TRIM62: variants seen among roughly 807,000 people sequenced by gnomAD.
TRIM62 encodes the protein tripartite motif containing 62, also known as E3 ubiquitin-protein ligase TRIM62.
A neutral mutation model predicts 44.2 loss-of-function variants in TRIM62; 39 were observed. The observed-to-expected ratio is 0.88, with a 90% CI of 0.68 to 1.15. The LOEUF is 1.15. TRIM62 is among the 50% of genes most tolerant of loss of function. The pLI is 0.00. For missense variants in TRIM62, 544 were observed against 665.5 expected, an observed-to-expected ratio of 0.82 and a Z score of 2.01; for synonymous variants, 278 against 292.3, an observed-to-expected ratio of 0.95 and a Z score of 0.50.
chr1:33,146,045 A>G lies in TRIM62; in HGVS notation c.*1132T>C, dbSNP rs1645018207. The G allele has an allele frequency of 2.7e-6, 1 of 377,346 alleles. No individual in the cohort carries two copies. The highest frequency in any genetic ancestry group is 3.4e-5 in the Admixed American group (1 of 29,080). The allele number at this position is 377,346 out of a possible 1,614,324, so 23.4% of individuals were successfully genotyped here. ...GAGGGAGCCTAGTTCTGCAGTCAGC[A>G]GCTTTCTGGCATAGTGGCTTCCTGC... is the stretch of plus-strand genomic sequence containing the variant. On this transcript the variant is annotated 3_prime_UTR_variant, in exon 5 of 5. Coordinates refer to ENST00000291416, the MANE Select transcript of TRIM62 (RefSeq NM_018207.3).
intron 2 of TRIM62, chr1:33,163,345 T>C (rs1209106383): frequency 1.3e-5 from 2 of 152,042 alleles, no homozygotes; most frequent in African/African-American, 4.8e-5. Flanking sequence ...GGCCGATTTT[T>C]TTTTCCTTTC....
chr1:33,180,598 T>C (rs1645452576), intron 1 of TRIM62, among the ~76,000 whole-genome samples: 1 of 152,146 alleles, frequency 6.6e-6, no homozygotes, highest in African/African-American at 2.4e-5. Context: ...CCCGGTTTAA[T>C]ACAGACCCAT....
At chr1:33,166,202 C>T (rs191989780) in intron 1 of TRIM62, 3 of 152,480 alleles carry the variant, frequency 2.0e-5, no homozygotes, top group Admixed American at 2.0e-4. Context: ...AAAACAAGCT[C>T]AGGGCTCCCA....
intron 1 of TRIM62, among the ~76,000 whole-genome samples, chr1:33,173,592 G>A (rs1312987660): frequency 6.6e-6 from 1 of 151,664 alleles, no homozygotes; most frequent in Non-Finnish European, 1.5e-5. Flanking sequence ...CTCCATGCCT[G>A]TCCCTGGTCA....
At position 33,165,659 on chromosome 1, in the gene TRIM62, G is replaced by A. The variant is rs539706255; in HGVS notation, c.409-93C>T. 7.6e-5 allele frequency: 85 copies of A among 1,118,950 alleles called. No homozygotes were observed. The African/African-American group carries it at 1.3e-3, about 17-fold the overall frequency. The allele number at this position is 1,118,950 out of a possible 1,614,324, so 69.3% of individuals were successfully genotyped here. On this transcript the variant is annotated intron_variant, in intron 1 of 4. Transcript: ENST00000291416. The surrounding 1 kb of genome is among the most constrained non-coding windows in gnomAD (Gnocchi z 4.0). ...CTGCCAGGCGCTGGGGGTTAGCCTG[G>A]TCTCTGTCCCCAACCTCCAACACTT... is the stretch of plus-strand genomic sequence containing the variant.
rs529232219 is a variant in TRIM62, at chr1:33,165,377, C to T, written c.504+94G>A. On this transcript the variant is annotated intron_variant, in intron 2 of 4. Transcript: ENST00000291416. The surrounding 1 kb of genome is among the most constrained non-coding windows in gnomAD (Gnocchi z 4.0). ...TTGAAGCCAGGTTTCCACCGCACAC[C>T]CGAGGCCCCGCCCCTCTTCCCCAGC... is the stretch of plus-strand genomic sequence containing the variant. 88 of 1,208,010 alleles carry T rather than the reference C, an allele frequency of 7.3e-5. 3 individuals carry two copies. The South Asian group carries it at 1.3e-3, about 18-fold the overall frequency. The allele number at this position is 1,208,010 out of a possible 1,614,324, so 74.8% of individuals were successfully genotyped here. A position where few individuals can be genotyped will look rare whatever the true frequency, so the allele number is the denominator to read the frequency against.
In TRIM62 at chr1:33,159,336, T is replaced by C. The variant is rs1645228598; in HGVS notation, c.761+352A>G. Among the ~76,000 whole-genome samples the C allele has an allele frequency of 6.6e-6, 1 of 152,096 alleles. No individual in the cohort carries two copies. Among genetic ancestry groups the C allele is most frequent in the African/African-American group, 2.4e-5 (1 of 41,410 alleles). ...ATTAAATGCTACCTACTATCTATAA[T>C]GTATACAGAATATATTACATATATA... On this transcript the variant is annotated intron_variant, in intron 3 of 4. Coordinates refer to ENST00000291416, the MANE Select transcript of TRIM62 (RefSeq NM_018207.3). This position sits in a 1 kb window ranked among gnomAD's most constrained non-coding sequence, Gnocchi z 4.2.
At chr1:33,153,382 C>T (rs1453641527) in intron 4 of TRIM62, among the ~76,000 whole-genome samples, 1 of 152,248 alleles carries the variant, frequency 6.6e-6, no homozygotes, top group Non-Finnish European at 1.5e-5. Flanking sequence ...AGGCAGCTTT[C>T]TCTAGAGCAG....
At chr1:33,172,668 G>A (rs1198291250) in intron 1 of TRIM62, among the ~76,000 whole-genome samples, 1 of 152,136 alleles carries the variant, frequency 6.6e-6, no homozygotes, top group East Asian at 1.9e-4. Context: ...AGGCTCTGGG[G>A]CTCTTTATTG....
At chr1:33,156,685 A>G (rs2124725289) in intron 4 of TRIM62, among the ~76,000 whole-genome samples, 1 of 152,266 alleles carries the variant, frequency 6.6e-6, no homozygotes, top group Non-Finnish European at 1.5e-5. Context: ...TCCATATGCT[A>G]ATGATGCTGG....
chr1:33,165,756 G>C lies in TRIM62; in HGVS notation c.409-190C>G, dbSNP rs973758051. ...TCCTAAACACCTCCAGAACCCGTCC[G>C]TATCTTTCACCTGCATCTTTGCAAC... On this transcript the variant is annotated intron_variant, in intron 1 of 4. Transcript: ENST00000291416. The surrounding 1 kb of genome is among the most constrained non-coding windows in gnomAD (Gnocchi z 4.0). The C allele has an allele frequency of 9.4e-6, 4 of 427,078 alleles. No individual in the cohort carries two copies. Among genetic ancestry groups the C allele is most frequent in the Non-Finnish European group, 1.7e-5 (4 of 241,700 alleles). The allele number at this position is 427,078 out of a possible 1,614,324, so 26.5% of individuals were successfully genotyped here. A position where few individuals can be genotyped will look rare whatever the true frequency, so the allele number is the denominator to read the frequency against.
In TRIM62 at chr1:33,177,741, C is replaced by A. The variant is rs933922926; in HGVS notation, c.408+3284G>T. Among the ~76,000 whole-genome samples the A allele has an allele frequency of 1.3e-5, 2 of 152,186 alleles. No individual in the cohort carries two copies. The highest frequency in any genetic ancestry group is 1.5e-5 in the Non-Finnish European group (1 of 68,040). On this transcript the variant is annotated intron_variant, in intron 1 of 4. Transcript: ENST00000291416. The surrounding 1 kb of genome is among the most constrained non-coding windows in gnomAD (Gnocchi z 4.1). ...ATGCTACCAGACTTCCTATAACACA[C>A]AAGATGGCCCTGCACAACAGTTATC...
In TRIM62 at chr1:33,166,987, C is replaced by T. The variant is rs551446690; in HGVS notation, c.409-1421G>A. Among the ~76,000 whole-genome samples the T allele has an allele frequency of 2.0e-4, 31 of 152,298 alleles. No homozygotes were observed. In the South Asian group the frequency reaches 6.4e-3, roughly 32 times the overall value. On this transcript the variant is annotated intron_variant, in intron 1 of 4. Coordinates refer to ENST00000291416, the MANE Select transcript of TRIM62 (RefSeq NM_018207.3). ...CACCCTCTGATCCCACCTCTGTCTC[C>T]AACACCCTCCCCCATCACTCCCATC... is the stretch of plus-strand genomic sequence containing the variant.
intron 1 of TRIM62, among the ~76,000 whole-genome samples, chr1:33,175,480 A>T (rs1191482759): frequency 6.6e-6 from 1 of 152,156 alleles, no homozygotes; most frequent in Non-Finnish European, 1.5e-5. Flanking sequence ...GAGTCGGGAG[A>T]GCTGAGCTCT....
chr1:33,170,321 T>TA (rs10717584), intron 1 of TRIM62, among the ~76,000 whole-genome samples: 5 of 146,684 alleles, frequency 3.4e-5, no homozygotes, highest in African/African-American at 1.3e-4. Flanking sequence ...CCAGTCTCTT[T>TA]AAAAAAAAAA....
At chr1:33,168,680 G>T (rs1358747670) in intron 1 of TRIM62, among the ~76,000 whole-genome samples, 1 of 152,222 alleles carries the variant, frequency 6.6e-6, no homozygotes, top group African/African-American at 2.4e-5. Flanking sequence ...CAGCTTGAGC[G>T]GATACAGTCC....
intron 2 of TRIM62, among the ~76,000 whole-genome samples, chr1:33,160,732 A>G (rs1366652909): frequency 6.6e-6 from 1 of 152,118 alleles, no homozygotes; most frequent in Admixed American, 6.5e-5. Flanking sequence ...AAAATCATTC[A>G]TGGGGCTCAT....
chr1:33,168,693 G>A (rs776621764), intron 1 of TRIM62, among the ~76,000 whole-genome samples: 53 of 152,218 alleles, frequency 3.5e-4, no homozygotes, highest in Non-Finnish European at 2.5e-4. Flanking sequence ...TACAGTCCTC[G>A]GAGCAGAGGA....
chr1:33,152,676 A>T (rs770742619), intron 4 of TRIM62, among the ~76,000 whole-genome samples: 1 of 152,198 alleles, frequency 6.6e-6, no homozygotes, highest in Non-Finnish European at 1.5e-5. Context: ...CAGGATCATT[A>T]TTACAAACAA....
Sources: allele counts gnomAD v4.1 joint callset (sites outside exome capture counted in the v4.1 genomes callset), GRCh38; gene constraint gnomAD v4.1.1; non-coding constraint Gnocchi (gnomAD v3.1); transcripts MANE v1.5; gene names NCBI Gene and HGNC (gene_info 2026-07-23, HGNC 2026-07-21).